Variants in MSRB3 observed in about 807,000 individuals in gnomAD.
The protein encoded by MSRB3 is methionine-R-sulfoxide reductase B3.
Under a neutral mutation model 21.0 loss-of-function variants are expected in MSRB3, and 13 were observed. That is an observed-to-expected ratio of 0.62 (90% CI 0.40 to 0.98). MSRB3 has a LOEUF of 0.98. Ranked by LOEUF, MSRB3 falls within the 50% of genes least tolerant of loss-of-function variation. The probability of loss-of-function intolerance (pLI) is 0.00; values close to 1 mark genes in which losing one functional copy is unlikely to be tolerated. For missense variants in MSRB3, 199 were observed against 230.3 expected, an observed-to-expected ratio of 0.86 and a Z score of 0.88; for synonymous variants, 87 against 88.6, an observed-to-expected ratio of 0.98 and a Z score of 0.10.
At chr12:65,351,947 T>C (rs1877032049) in intron 4 of MSRB3, among the ~76,000 whole-genome samples, 2 of 152,124 alleles carry the variant, frequency 1.3e-5, no homozygotes, top group South Asian at 4.1e-4. Context: ...GAGGGAATCG[T>C]CCCTAACTCA....
rs1316754464 is a variant in MSRB3 at position 65,298,161 on chromosome 12, G to A, written c.-51-10368G>A. On this transcript the variant is annotated intron_variant, in intron 1 of 6. Coordinates refer to ENST00000308259, the MANE Select transcript of MSRB3 (RefSeq NM_001031679.3). Reference sequence around the variant, plus strand: ...TGGAACCACAGGTGCATGCCACCACGACTGGCTAATTTTTGTATTTTTGGT... The same window carrying A: ...TGGAACCACAGGTGCATGCCACCACAACTGGCTAATTTTTGTATTTTTGGT... 4.6e-5 allele frequency among the ~76,000 whole-genome samples: 7 copies of A among 152,204 alleles called. No individual in the cohort carries two copies. In the East Asian group the frequency reaches 5.8e-4, roughly 13 times the overall value.
At chr12:65,339,246 G>A (rs1181560010) in intron 4 of MSRB3, among the ~76,000 whole-genome samples, 1 of 152,146 alleles carries the variant, frequency 6.6e-6, no homozygotes, top group East Asian at 1.9e-4. Context: ...AGGATGTTTA[G>A]TAGCATCTCT....
At chr12:65,279,078 G>T (rs958980306) in intron 1 of MSRB3, 5 of 1,405,486 alleles carry the variant, frequency 3.6e-6, no homozygotes, top group South Asian at 1.6e-5. Context: ...GGAGGTCAGG[G>T]CTGGTTTCCC....
At chr12:65,294,867 G>A (rs1419156382) in intron 1 of MSRB3, among the ~76,000 whole-genome samples, 1 of 152,034 alleles carries the variant, frequency 6.6e-6, no homozygotes, top group Non-Finnish European at 1.5e-5. Context: ...TGTTGCCCAG[G>A]CAGGGATGCA....
chr12:65,338,402 C>A (rs989165157), intron 4 of MSRB3, among the ~76,000 whole-genome samples: 1 of 152,096 alleles, frequency 6.6e-6, no homozygotes, highest in African/African-American at 2.4e-5. Flanking sequence ...TATTTATTAT[C>A]TTTGTTTTTA....
At chr12:65,312,752 C>T (rs551359860) in intron 2 of MSRB3, among the ~76,000 whole-genome samples, 62 of 152,160 alleles carry the variant, frequency 4.1e-4, no homozygotes, top group African/African-American at 1.5e-3. Context: ...ACTAGAACTC[C>T]ATGAATCAGC....
chr12:65,304,001 G>A (rs1873497801), intron 1 of MSRB3, among the ~76,000 whole-genome samples: 1 of 152,192 alleles, frequency 6.6e-6, no homozygotes, highest in Non-Finnish European at 1.5e-5. Context: ...TTCAGCAGCA[G>A]CTGAGTGTAG....
At chr12:65,398,015 G>A (rs189307972) in intron 5 of MSRB3, among the ~76,000 whole-genome samples, 4 of 152,090 alleles carry the variant, frequency 2.6e-5, no homozygotes, top group Admixed American at 2.6e-4. Context: ...TCATTGATGG[G>A]CATTTGGGTT....
intron 6 of MSRB3, chr12:65,454,160 G>A (rs978284862): frequency 4.1e-6 from 2 of 490,752 alleles, no homozygotes; most frequent in Non-Finnish European, 6.9e-6. Context: ...GGTAGCATAT[G>A]CCTGTAGTTC....
intron 5 of MSRB3, among the ~76,000 whole-genome samples, chr12:65,418,428 A>C (rs777045896): frequency 2.0e-5 from 3 of 152,130 alleles, no homozygotes; most frequent in Non-Finnish European, 4.4e-5. Context: ...GAGGTTTGCA[A>C]AGATTTTCTT....
chr12:65,314,862 A>G (rs1015723081), intron 2 of MSRB3, among the ~76,000 whole-genome samples: 4 of 152,192 alleles, frequency 2.6e-5, no homozygotes, highest in Admixed American at 2.0e-4. Flanking sequence ...CAGGGTTAGA[A>G]TATCTAGACA....
At chr12:65,306,088 C>T (rs1873637411) in intron 1 of MSRB3, among the ~76,000 whole-genome samples, 1 of 152,126 alleles carries the variant, frequency 6.6e-6, no homozygotes, top group Non-Finnish European at 1.5e-5. Flanking sequence ...ACAGAATTGG[C>T]TATGGGCATG....
chr12:65,306,711 T>C (rs1037773452), intron 1 of MSRB3, among the ~76,000 whole-genome samples: 6 of 152,214 alleles, frequency 3.9e-5, no homozygotes, highest in African/African-American at 1.4e-4. Context: ...GCAAAACTAA[T>C]TTGCCACTAG....
chr12:65,354,108 T>C (rs1169474176), intron 4 of MSRB3, among the ~76,000 whole-genome samples: 2 of 152,104 alleles, frequency 1.3e-5, no homozygotes, highest in East Asian at 1.9e-4. Context: ...GTTAGTCTGA[T>C]GGGCTTCCCT....
At chr12:65,354,765 T>A (rs1877280959) in intron 4 of MSRB3, among the ~76,000 whole-genome samples, 1 of 151,924 alleles carries the variant, frequency 6.6e-6, no homozygotes, top group Non-Finnish European at 1.5e-5. Flanking sequence ...GAGTTGGCAA[T>A]ATTAGAAAAT....
intron 1 of MSRB3, among the ~76,000 whole-genome samples, chr12:65,282,702 G>A (rs1259961854): frequency 3.7e-5 from 5 of 136,082 alleles, no homozygotes; most frequent in Non-Finnish European, 7.8e-5. Context: ...TTCTCTTCAT[G>A]GTTAGATGTG....
chr12:65,429,433 G>T (rs183583622), intron 5 of MSRB3, among the ~76,000 whole-genome samples: 13 of 152,248 alleles, frequency 8.5e-5, no homozygotes, highest in Admixed American at 8.5e-4. Context: ...AGACCAGTGT[G>T]GTTGAAGCAC....
intron 2 of MSRB3, among the ~76,000 whole-genome samples, chr12:65,309,688 T>C (rs1398697998): frequency 1.3e-5 from 2 of 152,112 alleles, no homozygotes; most frequent in Non-Finnish European, 2.9e-5. Context: ...AAGGAGGGCA[T>C]TATGGAGGAT....
intron 5 of MSRB3, among the ~76,000 whole-genome samples, chr12:65,370,218 C>G (rs936614814): frequency 1.2e-4 from 19 of 152,118 alleles, no homozygotes; most frequent in Admixed American, 1.2e-3. Context: ...GGCATTGTGT[C>G]AACTGTTTGA....
Sources: allele counts gnomAD v4.1 joint callset (sites outside exome capture counted in the v4.1 genomes callset), GRCh38; gene constraint gnomAD v4.1.1; transcripts MANE v1.5; gene names NCBI Gene and HGNC (gene_info 2026-07-23, HGNC 2026-07-21).